NFIA: variants seen among roughly 807,000 people sequenced by gnomAD.
The protein encoded by NFIA is nuclear factor 1 A-type.
Under a neutral mutation model 62.8 loss-of-function variants are expected in NFIA, and 8 were observed. That is an observed-to-expected ratio of 0.13 (90% CI 0.07 to 0.23). The LOEUF (loss-of-function observed/expected upper bound fraction) is 0.23, where lower values mean the gene tolerates loss of function less well. Ranked by LOEUF, NFIA falls within the 10% of genes least tolerant of loss-of-function variation. The pLI is 1.00. For synonymous variants in NFIA, 235 were observed against 238.1 expected, an observed-to-expected ratio of 0.99 and a Z score of 0.12; for missense variants, 410 against 642.1, an observed-to-expected ratio of 0.64 and a Z score of 3.91.
chr1:61,317,790 T>C (rs1187938460), intron 3 of NFIA, among the ~76,000 whole-genome samples: 1 of 152,150 alleles, frequency 6.6e-6, no homozygotes, highest in Non-Finnish European at 1.5e-5. Flanking sequence ...ATCTAAGATA[T>C]AAAGATTATG....
chr1:61,371,770 G>C (rs1003878144), intron 6 of NFIA, among the ~76,000 whole-genome samples: 13 of 152,158 alleles, frequency 8.5e-5, no homozygotes, highest in Non-Finnish European at 1.6e-4. Flanking sequence ...CAAAGACAGA[G>C]AGGAACCTAG....
chr1:61,459,052 C>G lies in NFIA; in HGVS notation c.*3732C>G, dbSNP rs938043306. The G allele has an allele frequency of 2.6e-5, 4 of 152,100 alleles. No homozygotes were observed. The highest frequency in any genetic ancestry group is 4.4e-5 in the Non-Finnish European group (3 of 68,018). 9.4% of individuals were successfully genotyped at this position (152,100 alleles called of 1,614,324 possible). The stretch of plus-strand genomic sequence containing the variant: ...TGATCAAGCAGGAAAAAAGAAACAC[C>G]AACAGTTGCCAGTGTTTTTGCTTTT... On this transcript the variant is annotated 3_prime_UTR_variant, in exon 11 of 11. Coordinates refer to ENST00000403491, the MANE Select transcript of NFIA (RefSeq NM_001134673.4).
At chr1:61,135,939 GT>G (rs1233289549) in intron 2 of NFIA, among the ~76,000 whole-genome samples, 5 of 151,952 alleles carry the variant, frequency 3.3e-5, no homozygotes, top group Admixed American at 3.3e-4. Flanking sequence ...CTTTTTTTAA[GT>G]AGCAAGGGCT....
chr1:61,277,643 CGACT>C, intron 3 of NFIA, 58 bp downstream of exon 3: 1 of 1,574,806 alleles, frequency 6.3e-7, no homozygotes, highest in South Asian at 1.1e-5. Context: ...GCCAGCAGGC[CGACT>C]AAGTGTGAGG....
At chr1:61,136,801 T>TG (rs1315897437) in intron 2 of NFIA, among the ~76,000 whole-genome samples, 1 of 152,202 alleles carries the variant, frequency 6.6e-6, no homozygotes, top group East Asian at 1.9e-4. Context: ...TTTTTTTGTT[T>TG]GGGGGGGTTT....
At chr1:61,420,831 CTGTT>C (rs1199415088) in intron 9 of NFIA, among the ~76,000 whole-genome samples, 17 of 152,134 alleles carry the variant, frequency 1.1e-4, no homozygotes, top group Non-Finnish European at 1.5e-4. Flanking sequence ...AATTTGGTGT[CTGTT>C]TATTTTGTAA....
At chr1:61,260,604 G>A (rs774779150) in intron 2 of NFIA, among the ~76,000 whole-genome samples, 6 of 151,900 alleles carry the variant, frequency 3.9e-5, no homozygotes, top group South Asian at 2.1e-4. Context: ...TTTTTGAGAC[G>A]GAGTCTCGCT....
At chr1:61,207,374 A>G (rs550808953) in intron 2 of NFIA, among the ~76,000 whole-genome samples, 1 of 152,322 alleles carries the variant, frequency 6.6e-6, no homozygotes, top group South Asian at 2.1e-4. Context: ...TTAAAACAAG[A>G]CCACAAGCCA....
intron 2 of NFIA, among the ~76,000 whole-genome samples, chr1:61,159,362 C>A (rs1404111698): frequency 6.6e-6 from 1 of 151,978 alleles, no homozygotes; most frequent in East Asian, 1.9e-4. Flanking sequence ...GCCTATCTAC[C>A]CCAATGCTTT....
At position 61,367,794 on chromosome 1, in the gene NFIA, T is replaced by C. The variant is rs572969091; in HGVS notation, c.946+8520T>C. Among the ~76,000 whole-genome samples the C allele has an allele frequency of 4.5e-4, 69 of 152,272 alleles. 1 individual carries two copies. Among genetic ancestry groups the C allele is most frequent in the South Asian group, 3.7e-3 (18 of 4,822 alleles). On this transcript the variant is annotated intron_variant, in intron 6 of 10. Coordinates refer to ENST00000403491, the MANE Select transcript of NFIA (RefSeq NM_001134673.4). ...TAGAGGAAAAGAAATATTCTTCTCA[T>C]ACACACACACATATACTCTGTGTAT...
Position 61,304,951 on chromosome 1 carries a change from C to G in NFIA, c.625+27366C>G, listed in dbSNP as rs571918977. ...TCATAGCAGGGGTTAAGGGAGGGTACTCATCAAATGTTAGCTGCAACTATC... is the reference window on the plus strand; with the variant it reads ...TCATAGCAGGGGTTAAGGGAGGGTAGTCATCAAATGTTAGCTGCAACTATC... On this transcript the variant is annotated intron_variant, in intron 3 of 10. Coordinates refer to ENST00000403491, the MANE Select transcript of NFIA (RefSeq NM_001134673.4). Among the ~76,000 whole-genome samples, 19 of 152,272 alleles carry G rather than the reference C, an allele frequency of 1.2e-4. No homozygotes were observed. The South Asian group carries it at 3.1e-3, about 25-fold the overall frequency.
intron 5 of NFIA, among the ~76,000 whole-genome samples, chr1:61,355,711 G>A (rs1404776512): frequency 6.6e-6 from 1 of 152,112 alleles, no homozygotes; most frequent in East Asian, 1.9e-4. Flanking sequence ...CTTTGAAGTA[G>A]CTAGGACTGT....
chr1:61,093,597 C>T (rs753133238), intron 2 of NFIA, among the ~76,000 whole-genome samples: 10 of 152,114 alleles, frequency 6.6e-5, no homozygotes, highest in Non-Finnish European at 1.5e-4. Flanking sequence ...TGAGTGTTTT[C>T]TGTGTAACTT....
chr1:61,169,921 T>G (rs1649835188), intron 2 of NFIA, among the ~76,000 whole-genome samples: 1 of 152,234 alleles, frequency 6.6e-6, no homozygotes, highest in Admixed American at 6.5e-5. Flanking sequence ...CTTTCTTCTT[T>G]GGTATTTAAA....
At chr1:61,099,671 G>C (rs1646476275) in intron 2 of NFIA, among the ~76,000 whole-genome samples, 3 of 152,160 alleles carry the variant, frequency 2.0e-5, no homozygotes, top group Admixed American at 2.0e-4. Flanking sequence ...GCTTACTCCT[G>C]TTATTTGGGA....
In NFIA at chr1:61,457,834, TA is replaced by T. The variant is rs200570305; in HGVS notation, c.*2526del. On this transcript the variant is annotated 3_prime_UTR_variant, in exon 11 of 11. Transcript: ENST00000403491. The surrounding 1 kb of genome is among the most constrained non-coding windows in gnomAD (Gnocchi z 4.2). ...AACTGTTCCTTTCACAAGCAAGCCTTAAAAAAAAAAAAGACAACTTCCTTTT... is the reference window on the plus strand; with the variant it reads ...AACTGTTCCTTTCACAAGCAAGCCTTAAAAAAAAAAAGACAACTTCCTTTT... The T allele has an allele frequency of 0.1, 14,970 of 144,218 alleles. 1,761 individuals are homozygous for T. The highest frequency in any genetic ancestry group is 0.29 in the African/African-American group (11,801 of 40,030). 8.9% of individuals were successfully genotyped at this position (144,218 alleles called of 1,614,324 possible). A position where few individuals can be genotyped will look rare whatever the true frequency, so the allele number is the denominator to read the frequency against.
chr1:61,329,264 T>C (rs771021954), intron 3 of NFIA, among the ~76,000 whole-genome samples: 5 of 151,290 alleles, frequency 3.3e-5, no homozygotes, highest in Non-Finnish European at 5.9e-5. Flanking sequence ...GCCAGGATGG[T>C]CTTGATTTCC....
At chr1:61,241,969 T>G (rs1655376765) in intron 2 of NFIA, among the ~76,000 whole-genome samples, 1 of 152,154 alleles carries the variant, frequency 6.6e-6, no homozygotes, top group Non-Finnish European at 1.5e-5. Flanking sequence ...CGAAGAGCGT[T>G]AACTAAGACT....
intron 3 of NFIA, among the ~76,000 whole-genome samples, chr1:61,306,266 G>GTTTTTTTTTTT (rs1557695597): frequency 2.2e-5 from 1 of 45,376 alleles, no homozygotes; most frequent in Non-Finnish European, 4.0e-5. Context: ...CCCAGATTTT[G>GTTTTTTTTTTT]TTCTTTTTTT....
Sources: gnomAD v4.1 joint callset for allele counts (sites outside exome capture counted in the v4.1 genomes callset) on GRCh38, gnomAD v4.1.1 for gene constraint, Gnocchi (gnomAD v3.1) non-coding constraint, MANE v1.5 for transcripts, NCBI Gene and HGNC (gene_info 2026-07-23, HGNC 2026-07-21) for gene names.